GLRA2: variants seen among roughly 807,000 people sequenced by gnomAD.
The protein encoded by GLRA2 is glycine receptor subunit alpha-2.
GLRA2 carries 11 observed loss-of-function variants against 31.6 expected under a neutral mutation model. That is an observed-to-expected ratio of 0.35 (90% CI 0.22 to 0.58). GLRA2 has a LOEUF of 0.58. Ranked by LOEUF, GLRA2 falls within the 20% of genes least tolerant of loss-of-function variation. The probability of loss-of-function intolerance (pLI) is 0.84; values close to 1 mark genes in which losing one functional copy is unlikely to be tolerated. For synonymous variants in GLRA2, 132 were observed against 134.0 expected, an observed-to-expected ratio of 0.99 and a Z score of 0.10; for missense variants, 212 against 351.8, an observed-to-expected ratio of 0.60 and a Z score of 3.18.
upstream of GLRA2, among the ~76,000 whole-genome samples, chrX:14,525,970 GTC>G (rs1468771793): frequency 1.8e-5 from 2 of 112,084 alleles, no homozygotes; most frequent in African/African-American, 3.2e-5. Flanking sequence ...AGCATGTACT[GTC>G]TCTGTCCATT....
At chrX:14,561,178 G>A (rs1374764513) in intron 2 of GLRA2, among the ~76,000 whole-genome samples, 1 of 112,026 alleles carries the variant, frequency 8.9e-6, no homozygotes, top group East Asian at 2.8e-4. Context: ...ATCTGGCTCC[G>A]AGGCCATCAT....
chrX:14,596,899 C>A (rs73454652), intron 4 of GLRA2, among the ~76,000 whole-genome samples: 251 of 111,199 alleles, frequency 2.3e-3, no homozygotes, highest in African/African-American at 6.5e-3. Flanking sequence ...CTTATGCCCA[C>A]CAGAGACTGA....
chrX:14,550,060 T>A (rs2089536849), intron 2 of GLRA2, among the ~76,000 whole-genome samples: 1 of 110,540 alleles, frequency 9.0e-6, no homozygotes, highest in African/African-American at 3.3e-5. Context: ...GGTCATTGGA[T>A]TTGACCACTG....
rs1213192529 is a variant in GLRA2 at position 14,609,209 on chromosome X, A to C, written c.930+4A>C. 2 of 1,129,444 alleles carry C rather than the reference A, an allele frequency of 1.8e-6. No homozygotes were observed. The highest frequency in any genetic ancestry group is 4.4e-5 in the Admixed American group (2 of 45,269). 93.1% of individuals were successfully genotyped at this position (1,129,444 alleles called of 1,213,427 possible). On this transcript the variant is annotated splice_donor_region_variant and intron_variant, in intron 7 of 8. Transcript: ENST00000218075. Reference sequence around the variant, plus strand: ...CTCCAGGGCATCTCTGCCAAAGGTAAGAAATCTTGCTTGATAACAGATGAC... The same window carrying C: ...CTCCAGGGCATCTCTGCCAAAGGTACGAAATCTTGCTTGATAACAGATGAC...
At chrX:14,542,479 A>G (rs1383798807) in intron 2 of GLRA2, among the ~76,000 whole-genome samples, 1 of 111,438 alleles carries the variant, frequency 9.0e-6, no homozygotes, top group Non-Finnish European at 1.9e-5. Context: ...TCTTATTAGG[A>G]GAAAGTTACT....
chrX:14,451,157 T>C, the GLRA2 span, among the ~76,000 whole-genome samples: 1 of 111,762 alleles, frequency 8.9e-6, no homozygotes, highest in Non-Finnish European at 1.9e-5. Context: ...GTTCTAAACA[T>C]GGAAACAAAA....
chrX:14,603,970 C>T (rs765617816), intron 4 of GLRA2, among the ~76,000 whole-genome samples: 2 of 109,838 alleles, frequency 1.8e-5, no homozygotes, highest in South Asian at 4.0e-4. Flanking sequence ...TGGACATTGG[C>T]GTGGGTAAGA....
intron 2 of GLRA2, among the ~76,000 whole-genome samples, chrX:14,538,969 C>T (rs1462407625): frequency 2.7e-5 from 3 of 111,124 alleles, no homozygotes; most frequent in Admixed American, 9.6e-5. Context: ...TGATTCTGGG[C>T]GACCCCATAT....
the GLRA2 span, among the ~76,000 whole-genome samples, chrX:14,457,753 T>C: frequency 5.4e-5 from 6 of 111,600 alleles, no homozygotes; most frequent in African/African-American, 2.0e-4. Context: ...TTTCTAGTTC[T>C]AGATCCTTGA....
In GLRA2 at chrX:14,596,788, C is replaced by A. The variant is rs144483857; in HGVS notation, c.495-7527C>A. Among the ~76,000 whole-genome samples, 170 of 111,579 alleles carry A rather than the reference C, an allele frequency of 1.5e-3. 3 individuals are homozygous for A. In the East Asian group the frequency reaches 0.043, roughly 28 times the overall value. Reference sequence around the variant, plus strand: ...TCCCTCGGGATATGCTGAAGTAGTACTCCTTAAAGTGTGCTCCAGGAAACC... The same window carrying A: ...TCCCTCGGGATATGCTGAAGTAGTAATCCTTAAAGTGTGCTCCAGGAAACC... On this transcript the variant is annotated intron_variant, in intron 4 of 8. Transcript: ENST00000218075.
At chrX:14,559,022 G>A (rs1221073746) in intron 2 of GLRA2, among the ~76,000 whole-genome samples, 6 of 110,477 alleles carry the variant, frequency 5.4e-5, no homozygotes, top group Non-Finnish European at 9.5e-5. Flanking sequence ...ACGGGGTTTC[G>A]CCATGTTGAC....
chrX:14,503,610 G>GCT, the GLRA2 span, among the ~76,000 whole-genome samples: 1 of 111,635 alleles, frequency 9.0e-6, no homozygotes, highest in Admixed American at 9.5e-5. Context: ...ACCTTTTGGT[G>GCT]CTCTCTTCAA....
At chrX:14,486,333 A>G in the GLRA2 span, among the ~76,000 whole-genome samples, 1 of 111,601 alleles carries the variant, frequency 9.0e-6, no homozygotes, top group African/African-American at 3.3e-5. Flanking sequence ...ACCTCTGGGT[A>G]GGGAGGCTTT....
the GLRA2 span, among the ~76,000 whole-genome samples, chrX:14,456,377 C>T: frequency 9.0e-6 from 1 of 111,092 alleles, no homozygotes; most frequent in African/African-American, 3.3e-5. Flanking sequence ...CCAATGTCGT[C>T]CTTCTAGCTA....
the GLRA2 span, among the ~76,000 whole-genome samples, chrX:14,475,998 T>C: frequency 1.2e-4 from 13 of 111,660 alleles, no homozygotes; most frequent in South Asian, 4.9e-3. Flanking sequence ...CCTGTACCAG[T>C]GGCTTTCAGA....
the GLRA2 span, among the ~76,000 whole-genome samples, chrX:14,521,192 T>C: frequency 1.8e-5 from 2 of 112,103 alleles, no homozygotes; most frequent in African/African-American, 6.5e-5. Flanking sequence ...ACCTAGAGAA[T>C]TGGTAAAGCA....
chrX:14,687,802 G>T (rs994165518), intron 7 of GLRA2, among the ~76,000 whole-genome samples: 1 of 112,349 alleles, frequency 8.9e-6, no homozygotes, highest in Non-Finnish European at 1.9e-5. Flanking sequence ...CTCTCAACTC[G>T]TCAAAGTCAT....
chrX:14,659,839 T>C (rs763485631), intron 7 of GLRA2, among the ~76,000 whole-genome samples: 28 of 112,251 alleles, frequency 2.5e-4, no homozygotes, highest in Non-Finnish European at 4.3e-4. Context: ...AACCTACAAA[T>C]AGTTTTAAAA....
intron 1 of GLRA2, among the ~76,000 whole-genome samples, chrX:14,530,365 G>A (rs1396506049): frequency 8.9e-6 from 1 of 111,790 alleles, no homozygotes; most frequent in Non-Finnish European, 1.9e-5. Flanking sequence ...CACAGCCAAC[G>A]TGATATTAAG....
Sources: allele counts gnomAD v4.1 joint callset (sites outside exome capture counted in the v4.1 genomes callset), GRCh38; gene constraint gnomAD v4.1.1; transcripts MANE v1.5; gene names NCBI Gene and HGNC (gene_info 2026-07-23, HGNC 2026-07-21).